The following IFRD2 variants were observed in gnomAD, a reference collection of about 807,000 sequenced individuals.
IFRD2 encodes the protein interferon-related developmental regulator 2.
In IFRD2, 35 loss-of-function variants were observed where a neutral mutation model predicts 49.2. That is an observed-to-expected ratio of 0.71 (90% CI 0.54 to 0.94). The LOEUF is 0.94. IFRD2 is among the 40% of genes least tolerant of loss of function. The probability of loss-of-function intolerance (pLI) is 0.00; values close to 1 mark genes in which losing one functional copy is unlikely to be tolerated. For synonymous variants in IFRD2, 275 were observed against 239.7 expected (o/e 1.15, Z -1.36); for missense variants, 561 against 591.6 (o/e 0.95, Z 0.54).
chr3:50,288,963 G>C (rs1553709144), intron 8 of IFRD2, 26 bp from the exon 9 acceptor site: 1 of 1,607,028 alleles, frequency 6.2e-7, no homozygotes. Context: ...TGGAGGGTGT[G>C]TGGTAGATGC....
rs782627452 is a variant in IFRD2, at chr3:50,288,707, C to T, written c.1028G>A (p.Gly343Asp). The change falls in exon 10 of 12, where the codon GGT (glycine) becomes GAT (aspartate). Residue 343 changes from glycine to aspartate, a missense_variant. Transcript: ENST00000417626. ...GCGCACTATCTCTTCTTCGCATTCA[C>T]CGCCCTGCAGGGTAGAGGTGCCAAC... Reference protein sequence around the residue: ...FRAVLHSVEGGECEEEIVRFG... With the variant: ...FRAVLHSVEGDECEEEIVRFG... The T allele has an allele frequency of 6.2e-7, 1 of 1,613,430 alleles. No homozygotes were observed. The highest frequency in any genetic ancestry group is 8.5e-7 in the Non-Finnish European group (1 of 1,179,696).
In IFRD2 at chr3:50,289,609, G is replaced by T; in HGVS notation, c.617C>A (p.Ala206Asp). ...CCGGCTGAAAACACTTTCTAAGCAG[G>T]CAAGGCAAGAGACCAGGTCCTAGGA... ...ADIQDLVSCLACLESVFSRFY... is the reference protein window; with the variant it reads ...ADIQDLVSCLDCLESVFSRFY... Residue 206 changes from alanine (A) to aspartate (D), a missense_variant, in exon 7 of 12, where the codon GCC (alanine) becomes GAC (aspartate). Coordinates refer to ENST00000417626, the MANE Select transcript of IFRD2 (RefSeq NM_006764.5). 6.3e-7 allele frequency: 1 copy of T among 1,597,004 alleles called. No homozygotes were observed. Among genetic ancestry groups the T allele is most frequent in the Non-Finnish European group, 8.5e-7 (1 of 1,171,964 alleles).
At position 50,288,067 on chromosome 3, in the gene IFRD2, G is replaced by A; in HGVS notation, c.*124C>T. On this transcript the variant is annotated 3_prime_UTR_variant, in exon 12 of 12. Transcript: ENST00000417626. ...GCCCCCAGCTACCCACCCCATGTCT[G>A]TTTTTGGTTTTGTCATTAAAAAAAA... The A allele has an allele frequency of 1.1e-6, 1 of 910,060 alleles. No individual in the cohort carries two copies. Among genetic ancestry groups the A allele is most frequent in the East Asian group, 2.7e-5 (1 of 37,464 alleles). 56.4% of individuals were successfully genotyped at this position (910,060 alleles called of 1,614,324 possible). A position where few individuals can be genotyped will look rare whatever the true frequency, so the allele number is the denominator to read the frequency against.
In IFRD2 at chr3:50,290,649, C is replaced by A. The variant is rs781805573; in HGVS notation, c.89G>T (p.Gly30Val). ...ACTGGCTGCCTCATCGTCACTGGAA[C>A]CCGAGTCAGCTTGGGCACTGCTCCG... ...GARSSAQADSGSSDDEAASEA... is the reference protein window; with the variant it reads ...GARSSAQADSVSSDDEAASEA... Residue 30 changes from glycine (G) to valine (V), a missense_variant, in exon 2 of 12, where the codon GGT (glycine) becomes GTT (valine). Physicochemically the swap from Gly to Val is moderately radical, Grantham distance 109. Coordinates refer to ENST00000417626, the MANE Select transcript of IFRD2 (RefSeq NM_006764.5). 1 of 1,613,934 alleles carries A rather than the reference C, an allele frequency of 6.2e-7. No homozygotes were observed. The highest frequency in any genetic ancestry group is 2.2e-5 in the East Asian group (1 of 44,886).
At chr3:50,290,791 T>C (rs1553709691) in intron 1 of IFRD2, 112 bp from the exon 2 acceptor site, 2 of 1,421,754 alleles carry the variant, frequency 1.4e-6, no homozygotes, top group East Asian at 5.0e-5. Flanking sequence ...CTCTCAGAGA[T>C]GAAAAACCAA....
rs782363687 is a variant in IFRD2, at chr3:50,292,360, G to A, written c.-86C>T. 4 of 1,571,626 alleles carry A rather than the reference G, an allele frequency of 2.5e-6. No individual in the cohort carries two copies. Among genetic ancestry groups the A allele is most frequent in the Non-Finnish European group, 3.4e-6 (4 of 1,163,602 alleles). On this transcript the variant is annotated 5_prime_UTR_variant, in exon 1 of 12. Coordinates refer to ENST00000417626, the MANE Select transcript of IFRD2 (RefSeq NM_006764.5). ...AACGAGACGCCGGCCGGTGCGCTGC[G>A]CTGAGACTTGGCCAGACGACGGGAG...
chr3:50,290,650 C>A lies in IFRD2; in HGVS notation c.88G>T (p.Gly30Cys), dbSNP rs782468298. The change falls in exon 2 of 12, where the codon GGT becomes TGT. Residue 30 changes from glycine to cysteine, a missense_variant. Coordinates refer to ENST00000417626, the MANE Select transcript of IFRD2 (RefSeq NM_006764.5). ...GARSSAQADSGSSDDEAASEA... is the reference protein window; with the variant it reads ...GARSSAQADSCSSDDEAASEA... The stretch of plus-strand genomic sequence containing the variant: ...CTGGCTGCCTCATCGTCACTGGAAC[C>A]CGAGTCAGCTTGGGCACTGCTCCGG... 3 of 1,613,814 alleles carry A rather than the reference C, an allele frequency of 1.9e-6. No homozygotes were observed. Among genetic ancestry groups the A allele is most frequent in the Non-Finnish European group, 2.5e-6 (3 of 1,179,876 alleles).
At chr3:50,291,903 T>G in intron 1 of IFRD2, 1 of 379,582 alleles carries the variant, frequency 2.6e-6, no homozygotes, top group East Asian at 4.8e-5. Context: ...AGGATCAGGG[T>G]TTGGCAAGAG....
At chr3:50,289,425 C>T (rs1553709275) in intron 7 of IFRD2, 22 bp downstream of exon 7, 3 of 1,569,054 alleles carry the variant, frequency 1.9e-6, no homozygotes, top group Non-Finnish European at 2.6e-6. Context: ...CCCTCCCCCT[C>T]CCAGTGGACA....
Position 50,290,292 on chromosome 3 carries a change from G to A in IFRD2, c.266C>T (p.Ala89Val). ...CTCAAGAGCACCCTGCCGGGTCTTG[G>A]CACTGGGGGAGGTCGAGAAGGGGGG... ...EYVDCLTDKS[A>V]KTRQGALESL... The change falls in exon 4 of 12, where the codon GCC (alanine) becomes GTC (valine). Residue 89 changes from alanine (A) to valine (V), a missense_variant and splice_region_variant. Transcript: ENST00000417626. 6.2e-7 allele frequency: 1 copy of A among 1,610,484 alleles called. No homozygotes were observed. The highest frequency in any genetic ancestry group is 8.5e-7 in the Non-Finnish European group (1 of 1,178,274).
In IFRD2 at chr3:50,289,586, G is replaced by A. The variant is rs782126624; in HGVS notation, c.640C>T (p.Arg214Trp). The A allele has an allele frequency of 1.5e-4, 239 of 1,591,124 alleles. No individual in the cohort carries two copies. The highest frequency in any genetic ancestry group is 1.8e-4 in the Non-Finnish European group (207 of 1,169,288). The change falls in exon 7 of 12, where the codon CGG (arginine) becomes TGG (tryptophan). Residue 214 changes from arginine to tryptophan, a missense_variant. By Grantham distance (101) the Arg-to-Trp change is moderately radical (BLOSUM62 -3). Coordinates refer to ENST00000417626, the MANE Select transcript of IFRD2 (RefSeq NM_006764.5). The part of the protein sequence containing the change: ...CLACLESVFS[R>W]FYGLGGSSTS... Reference sequence around the variant, plus strand: ...GAGCTGCCCCCCAAGCCATAGAACCGGCTGAAAACACTTTCTAAGCAGGCA... The same window carrying A: ...GAGCTGCCCCCCAAGCCATAGAACCAGCTGAAAACACTTTCTAAGCAGGCA...
rs782665480 is a variant in IFRD2 at position 50,288,521 on chromosome 3, A to G, written c.1153-17T>C. Reference sequence around the variant, plus strand: ...CTCATTGTTCTGGGGGGCAGAGGGCAGTGAGCTCAGGCCAGACTGAAGCAA... The same window carrying G: ...CTCATTGTTCTGGGGGGCAGAGGGCGGTGAGCTCAGGCCAGACTGAAGCAA... On this transcript the variant is annotated splice_polypyrimidine_tract_variant and intron_variant, in intron 10 of 11. Coordinates refer to ENST00000417626, the MANE Select transcript of IFRD2 (RefSeq NM_006764.5). 1 of 1,613,996 alleles carries G rather than the reference A, an allele frequency of 6.2e-7. No individual in the cohort carries two copies.
rs782389164 is a variant in IFRD2 at position 50,292,325 on chromosome 3, G to T, written c.-51C>A. 73 of 1,566,446 alleles carry T rather than the reference G, an allele frequency of 4.7e-5. No homozygotes were observed. Among genetic ancestry groups the T allele is most frequent in the Admixed American group, 1.1e-4 (6 of 53,926 alleles). On this transcript the variant is annotated 5_prime_UTR_variant, in exon 1 of 12. Coordinates refer to ENST00000417626, the MANE Select transcript of IFRD2 (RefSeq NM_006764.5). ...GGGGTCAGGGACCCGGTGGGTGTGG[G>T]CTCCAGGCCAACGAGACGCCGGCCG...
intron 8 of IFRD2, 68 bp from the exon 9 acceptor site, chr3:50,289,005 C>T: frequency 6.4e-7 from 1 of 1,567,102 alleles, no homozygotes; most frequent in Non-Finnish European, 8.7e-7. Context: ...CAGGGCACTG[C>T]CCAAACCCCT....
Position 50,292,365 on chromosome 3 carries a change from G to C in IFRD2, c.-91C>G. 1 of 1,574,146 alleles carries C rather than the reference G, an allele frequency of 6.4e-7. No individual in the cohort carries two copies. Among genetic ancestry groups the C allele is most frequent in the African/African-American group, 1.3e-5 (1 of 74,106 alleles). On this transcript the variant is annotated 5_prime_UTR_variant, in exon 1 of 12. Transcript: ENST00000417626. Reference sequence around the variant, plus strand: ...GACGCCGGCCGGTGCGCTGCGCTGAGACTTGGCCAGACGACGGGAGCCACA... The same window carrying C: ...GACGCCGGCCGGTGCGCTGCGCTGACACTTGGCCAGACGACGGGAGCCACA...
chr3:50,290,367 T>C (rs1180485606), intron 3 of IFRD2, 21 bp downstream of exon 3: 1 of 1,591,354 alleles, frequency 6.3e-7, no homozygotes, highest in African/African-American at 1.3e-5. Flanking sequence ...GGTGTAGGAG[T>C]TGGCTGGCAG....
Position 50,290,474 on chromosome 3 carries a change from T to G in IFRD2, c.179-2A>C, listed in dbSNP as rs1487864858. ...CCTGCTCATCCACGACATCCCCCCCTGCAAGGCCACCTGGTCAGCACCGCT... is the reference window on the plus strand; with the variant it reads ...CCTGCTCATCCACGACATCCCCCCCGGCAAGGCCACCTGGTCAGCACCGCT... On this transcript the variant is annotated splice_acceptor_variant, in intron 2 of 11. Transcript: ENST00000417626. LOFTEE classifies it high-confidence loss of function. 3 of 1,579,536 alleles carry G rather than the reference T, an allele frequency of 1.9e-6. No individual in the cohort carries two copies. The highest frequency in any genetic ancestry group is 2.6e-6 in the Non-Finnish European group (3 of 1,161,682).
In IFRD2 at chr3:50,292,238, C is replaced by A; in HGVS notation, c.37G>T (p.Gly13Cys). 1.3e-6 allele frequency: 2 copies of A among 1,508,300 alleles called. No homozygotes were observed. Among genetic ancestry groups the A allele is most frequent in the Admixed American group, 2.3e-5 (1 of 43,694 alleles). 93.4% of individuals were successfully genotyped at this position (1,508,300 alleles called of 1,614,324 possible). A position where few individuals can be genotyped will look rare whatever the true frequency, so the allele number is the denominator to read the frequency against. Residue 13 changes from glycine to cysteine, a missense_variant, in exon 1 of 12, where the codon GGT (glycine) becomes TGT (cysteine). Physicochemically the swap from Gly to Cys is radical, Grantham distance 159. Transcript: ENST00000417626. ...TCACCTCCTCCACGGCGCTGACCAC[C>A]CTTCCGGAGCGTGTTGCCCTTACGG... ...RARKGNTLRK[G>C]GQRRGGGARS...
Position 50,288,131 on chromosome 3 carries a change from G to GTC in IFRD2, c.*58_*59dup. The GTC allele has an allele frequency of 7.2e-7, 1 of 1,390,478 alleles. No individual in the cohort carries two copies. Among genetic ancestry groups the GTC allele is most frequent in the East Asian group, 2.4e-5 (1 of 42,230 alleles). The allele number at this position is 1,390,478 out of a possible 1,614,324, so 86.1% of individuals were successfully genotyped here. A position where few individuals can be genotyped will look rare whatever the true frequency, so the allele number is the denominator to read the frequency against. On this transcript the variant is annotated 3_prime_UTR_variant, in exon 12 of 12. Transcript: ENST00000417626. The stretch of plus-strand genomic sequence containing the variant: ...ACTGGTGGAGACCAGTTGTTGCACT[G>GTC]TCTTCTGTTAAAAATACGGACCAAG...
Sources: gnomAD v4.1 joint callset for allele counts on GRCh38, gnomAD v4.1.1 for gene constraint, MANE v1.5 for transcripts, NCBI Gene and HGNC (gene_info 2026-07-23, HGNC 2026-07-21) for gene names.